KLHL38: variants seen among roughly 807,000 people sequenced by gnomAD.
KLHL38 encodes the protein kelch-like protein 38.
KLHL38 carries 38 observed loss-of-function variants against 39.6 expected under a neutral mutation model. The observed-to-expected ratio is 0.96, with a 90% CI of 0.74 to 1.26. The LOEUF (loss-of-function observed/expected upper bound fraction) is 1.26, where lower values mean the gene tolerates loss of function less well. KLHL38 is among the 50% of genes most tolerant of loss of function. The probability of loss-of-function intolerance (pLI) is 0.00; values close to 1 mark genes in which losing one functional copy is unlikely to be tolerated. For synonymous variants in KLHL38, 322 were observed against 302.2 expected (o/e 1.07, Z -0.68); for missense variants, 803 against 748.1 (o/e 1.07, Z -0.86).
At position 123,652,634 on chromosome 8, in the gene KLHL38, T is replaced by C. The variant is rs7386562; in HGVS notation, c.293A>G (p.His98Arg). Residue 98 changes from histidine to arginine, a missense_variant, in exon 2 of 4, where the codon CAT becomes CGT. Coordinates refer to ENST00000684634, the MANE Select transcript of KLHL38 (RefSeq NM_001081675.3). Reference sequence around the variant, plus strand: ...GGGGAGGACATTGTCAGTGGCAATATGTGCCTCCCCCGTATACACGTAGGA... The same window carrying C: ...GGGGAGGACATTGTCAGTGGCAATACGTGCCTCCCCCGTATACACGTAGGA... ...IVSYVYTGEA[H>R]IATDNVLPVM... The C allele has an allele frequency of 0.83, 1,332,158 of 1,613,678 alleles. 552,626 individuals carry two copies. Among genetic ancestry groups the C allele is most frequent in the Non-Finnish European group, 0.85 (1,004,133 of 1,179,852 alleles).
chr8:123,645,633 T>A lies in KLHL38; in HGVS notation c.*106A>T. Reference sequence around the variant, plus strand: ...GCCTCCCGACTCTGGTACCTCAGTCTTGTGAGCTCTCCCTGCAGCCTTTAA... The same window carrying A: ...GCCTCCCGACTCTGGTACCTCAGTCATGTGAGCTCTCCCTGCAGCCTTTAA... On this transcript the variant is annotated 3_prime_UTR_variant, in exon 4 of 4. Coordinates refer to ENST00000684634, the MANE Select transcript of KLHL38 (RefSeq NM_001081675.3). The A allele has an allele frequency of 7.8e-7, 1 of 1,286,010 alleles. No individual in the cohort carries two copies. Among genetic ancestry groups the A allele is most frequent in the Admixed American group, 2.1e-5 (1 of 48,608 alleles). The allele number at this position is 1,286,010 out of a possible 1,614,324, so 79.7% of individuals were successfully genotyped here.
intron 2 of KLHL38, among the ~76,000 whole-genome samples, chr8:123,647,752 A>C (rs1818686756): frequency 1.3e-5 from 2 of 152,240 alleles, no homozygotes; most frequent in Non-Finnish European, 2.9e-5. Context: ...AAAATGGCAT[A>C]GTATTCTTTG....
chr8:123,651,478 G>T, intron 2 of KLHL38, 99 bp downstream of exon 2: 1 of 1,276,800 alleles, frequency 7.8e-7, no homozygotes, highest in Non-Finnish European at 1.1e-6. Context: ...GTGTTTTTTG[G>T]TGTGTATGTA....
chr8:123,653,344 T>G (rs1357942495), intron 1 of KLHL38, among the ~76,000 whole-genome samples: 1 of 152,216 alleles, frequency 6.6e-6, no homozygotes, highest in Non-Finnish European at 1.5e-5. Context: ...AACAGATGTC[T>G]AAACCTCTCT....
In KLHL38 at chr8:123,652,112, A is replaced by C; in HGVS notation, c.815T>G (p.Leu272Arg). 1.2e-6 allele frequency: 2 copies of C among 1,614,084 alleles called. No individual in the cohort carries two copies. The highest frequency in any genetic ancestry group is 1.7e-6 in the Non-Finnish European group (2 of 1,180,004). The change falls in exon 2 of 4, where the codon CTC (leucine) becomes CGC (arginine). Residue 272 changes from leucine to arginine, a missense_variant. Physicochemically the swap from Leu to Arg is moderately radical, Grantham distance 102. Coordinates refer to ENST00000684634, the MANE Select transcript of KLHL38 (RefSeq NM_001081675.3). ...GTTTCTTGGAGGGACATGCAACAGG[A>C]GTTTGCAGTCTGGGACGGTGGTGCC... ...LCGTTVPDCK[L>R]LLHVPPRNSY...
At position 123,652,784 on chromosome 8, in the gene KLHL38, T is replaced by C; in HGVS notation, c.143A>G (p.His48Arg). Residue 48 changes from histidine (H) to arginine (R), a missense_variant, in exon 2 of 4, where the codon CAC becomes CGC. Physicochemically the swap from His to Arg is conservative, Grantham distance 29. Coordinates refer to ENST00000684634, the MANE Select transcript of KLHL38 (RefSeq NM_001081675.3). ...ICAGAREIPC[H>R]RNVLASSSPY... ...GCTGCTGGAGGCCAGCACGTTGCGG[T>C]GGCAGGGGATCTCCCGGGCACCGGC... 6.2e-7 allele frequency: 1 copy of C among 1,614,090 alleles called. No homozygotes were observed. Among genetic ancestry groups the C allele is most frequent in the Non-Finnish European group, 8.5e-7 (1 of 1,180,022 alleles).
At chr8:123,651,110 C>CT (rs569731477) in intron 2 of KLHL38, among the ~76,000 whole-genome samples, 108 of 152,238 alleles carry the variant, frequency 7.1e-4, no homozygotes, top group African/African-American at 2.5e-3. Context: ...TGAAAAATAT[C>CT]TTGCTGAAAA....
At chr8:123,647,516 CAGAG>C (rs1818683237) in intron 2 of KLHL38, among the ~76,000 whole-genome samples, 1 of 152,150 alleles carries the variant, frequency 6.6e-6, no homozygotes, top group Admixed American at 6.5e-5. Flanking sequence ...AAAAATGCAG[CAGAG>C]AAAGGGGAGA....
intron 2 of KLHL38, among the ~76,000 whole-genome samples, chr8:123,651,369 T>G (rs538559507): frequency 2.6e-5 from 4 of 152,400 alleles, no homozygotes; most frequent in African/African-American, 9.6e-5. Context: ...TGTGTATGCA[T>G]GTATGCATGA....
intron 2 of KLHL38, among the ~76,000 whole-genome samples, chr8:123,650,906 G>C (rs981731805): frequency 7.2e-5 from 11 of 152,144 alleles, no homozygotes; most frequent in African/African-American, 2.4e-5. Context: ...CTTCTTTTAA[G>C]GCCTTACTGA....
Position 123,646,984 on chromosome 8 carries a change from T to C in KLHL38, c.1381A>G (p.Lys461Glu). The C allele has an allele frequency of 6.2e-7, 1 of 1,613,136 alleles. No individual in the cohort carries two copies. The part of the protein sequence containing the change: ...VYHISRNSWF[K>E]METRMIKNVC... ...TTCTTGATCATTCTTGTCTCCATTT[T>C]GAACCACGAGTTTCTGGAAATGTGA... is the stretch of plus-strand genomic sequence containing the variant. The change falls in exon 3 of 4, where the codon AAA (lysine) becomes GAA (glutamate). Residue 461 changes from lysine (K) to glutamate (E), a missense_variant. By Grantham distance (56) the Lys-to-Glu change is moderately conservative. Coordinates refer to ENST00000684634, the MANE Select transcript of KLHL38 (RefSeq NM_001081675.3).
intron 2 of KLHL38, among the ~76,000 whole-genome samples, chr8:123,650,608 T>G (rs1278630437): frequency 6.6e-6 from 1 of 152,178 alleles, no homozygotes; most frequent in East Asian, 1.9e-4. Context: ...GCAGGCTCAA[T>G]ATTCACGTTC....
chr8:123,645,623 T>G lies in KLHL38; in HGVS notation c.*116A>C. On this transcript the variant is annotated 3_prime_UTR_variant, in exon 4 of 4. Coordinates refer to ENST00000684634, the MANE Select transcript of KLHL38 (RefSeq NM_001081675.3). ...CTAGTTCCAGGCCTCCCGACTCTGG[T>G]ACCTCAGTCTTGTGAGCTCTCCCTG... 8.8e-7 allele frequency: 1 copy of G among 1,138,612 alleles called. No homozygotes were observed. The highest frequency in any genetic ancestry group is 1.3e-6 in the Non-Finnish European group (1 of 791,180). The allele number at this position is 1,138,612 out of a possible 1,614,324, so 70.5% of individuals were successfully genotyped here.
At chr8:123,651,443 C>CAT (rs1017061023) in intron 2 of KLHL38, 134 bp downstream of exon 2, 3 of 915,202 alleles carry the variant, frequency 3.3e-6, no homozygotes, top group Non-Finnish European at 4.9e-6. Context: ...TATATGTGTG[C>CAT]ATATATATAT....
chr8:123,652,770 C>A lies in KLHL38; in HGVS notation c.157G>T (p.Ala53Ser), dbSNP rs761519331. The change falls in exon 2 of 4, where the codon GCC becomes TCC. Residue 53 changes from alanine (A) to serine (S), a missense_variant. Coordinates refer to ENST00000684634, the MANE Select transcript of KLHL38 (RefSeq NM_001081675.3). ...GCCCTGAAGTAGGGGCTGCTGGAGG[C>A]CAGCACGTTGCGGTGGCAGGGGATC... ...REIPCHRNVL[A>S]SSSPYFRAMF... 1 of 1,614,180 alleles carries A rather than the reference C, an allele frequency of 6.2e-7. No homozygotes were observed. The highest frequency in any genetic ancestry group is 8.5e-7 in the Non-Finnish European group (1 of 1,180,034).
At chr8:123,646,588 A>G (rs994145128) in intron 3 of KLHL38, among the ~76,000 whole-genome samples, 1 of 152,256 alleles carries the variant, frequency 6.6e-6, no homozygotes, top group African/African-American at 2.4e-5. Context: ...AACTATTAGT[A>G]GCTAATATTA....
Position 123,652,168 on chromosome 8 carries a change from C to T in KLHL38, c.759G>A (p.Glu253=). 2 of 1,614,176 alleles carry T rather than the reference C, an allele frequency of 1.2e-6. No homozygotes were observed. The highest frequency in any genetic ancestry group is 1.7e-6 in the Non-Finnish European group (2 of 1,180,026). The change falls in exon 2 of 4, where the codon GAG becomes GAA. Residue 253 remains glutamate, a synonymous_variant. Transcript: ENST00000684634. ...AAGAGAACATCTGTCTCTTGGCGGT[C>T]TCCAAGATGATCTGGCATGCAGGCG... The part of the protein sequence containing the change: ...QSSPACQIIL[E]TAKRQMFSLC...
chr8:123,649,300 C>T (rs931620184), intron 2 of KLHL38, among the ~76,000 whole-genome samples: 14 of 152,232 alleles, frequency 9.2e-5, no homozygotes, highest in African/African-American at 3.1e-4. Context: ...ATGTCTCCCC[C>T]ACTTCAAGTA....
At position 123,651,443 on chromosome 8, in the gene KLHL38, CAT is replaced by C. The variant is rs1017061023; in HGVS notation, c.1350+132_1350+133del. 33 of 915,200 alleles carry C rather than the reference CAT, an allele frequency of 3.6e-5. No homozygotes were observed. The East Asian group carries it at 5.9e-4, about 16-fold the overall frequency. The allele number at this position is 915,200 out of a possible 1,614,324, so 56.7% of individuals were successfully genotyped here. A position where few individuals can be genotyped will look rare whatever the true frequency, so the allele number is the denominator to read the frequency against. On this transcript the variant is annotated intron_variant, in intron 2 of 3. Transcript: ENST00000684634. ...ATATGTGTGTTTGTGTATATGTGTG[CAT>C]ATATATATTTATGTGCATATATGTG...
Sources: gnomAD v4.1 joint callset for allele counts (sites outside exome capture counted in the v4.1 genomes callset) on GRCh38, gnomAD v4.1.1 for gene constraint, MANE v1.5 for transcripts, NCBI Gene and HGNC (gene_info 2026-07-23, HGNC 2026-07-21) for gene names.